The following MON2 variants were observed in gnomAD, a reference collection of about 807,000 sequenced individuals.
The protein encoded by MON2 is protein MON2 homolog.
A neutral mutation model predicts 208.6 loss-of-function variants in MON2; 84 were observed. That is an observed-to-expected ratio of 0.40 (90% CI 0.34 to 0.48). The LOEUF (loss-of-function observed/expected upper bound fraction) is 0.48, where lower values mean the gene tolerates loss of function less well. Among genes scored for constraint, MON2 ranks in the 20% least tolerant of loss-of-function variants. MON2 has a pLI of 0.59. For synonymous variants in MON2, 660 were observed against 694.0 expected (o/e 0.95, Z 0.77); for missense variants, 1,611 against 2,015.4 (o/e 0.80, Z 3.84).
chr12:62,590,206 T>C (rs992039654), intron 34 of MON2, among the ~76,000 whole-genome samples: 2 of 152,188 alleles, frequency 1.3e-5, no homozygotes, highest in African/African-American at 4.8e-5. Context: ...TCCTCCCGTC[T>C]TAGCCTCCCA....
At chr12:62,555,264 C>G (rs2073915949) in intron 24 of MON2, among the ~76,000 whole-genome samples, 1 of 152,012 alleles carries the variant, frequency 6.6e-6, no homozygotes, top group South Asian at 2.1e-4. Flanking sequence ...CAGCCTCAAC[C>G]TCTCCTGGGG....
rs990020220 is a variant in MON2, at chr12:62,595,829, T to C, written c.*3080T>C. ...ACCACTTTTCACTTGCTTTCATTTTTAATTTTATTCACTTAACAGCTAACA... is the reference window on the plus strand; with the variant it reads ...ACCACTTTTCACTTGCTTTCATTTTCAATTTTATTCACTTAACAGCTAACA... On this transcript the variant is annotated 3_prime_UTR_variant, in exon 35 of 35. Coordinates refer to ENST00000393630, the MANE Select transcript of MON2 (RefSeq NM_015026.3). The C allele has an allele frequency of 6.6e-6, 1 of 152,254 alleles. No individual in the cohort carries two copies. The highest frequency in any genetic ancestry group is 2.4e-5 in the African/African-American group (1 of 41,466). 9.4% of individuals were successfully genotyped at this position (152,254 alleles called of 1,614,324 possible).
Position 62,560,355 on chromosome 12 carries a change from G to T in MON2, c.3410-136G>T, listed in dbSNP as rs1331133815. On this transcript the variant is annotated intron_variant, in intron 25 of 34. Transcript: ENST00000393630. ...TTTAATTCCCATTGTTAGTACCTTAGTACCTAGTCATATATTTTCCAGTTC... is the reference window on the plus strand; with the variant it reads ...TTTAATTCCCATTGTTAGTACCTTATTACCTAGTCATATATTTTCCAGTTC... 8.2e-6 allele frequency: 7 copies of T among 854,570 alleles called. No individual in the cohort carries two copies. The Admixed American group carries it at 1.8e-4, about 21-fold the overall frequency. 52.9% of individuals were successfully genotyped at this position (854,570 alleles called of 1,614,324 possible). A position where few individuals can be genotyped will look rare whatever the true frequency, so the allele number is the denominator to read the frequency against.
In MON2 at chr12:62,538,332, G is replaced by A. The variant is rs1335942885; in HGVS notation, c.2273+7G>A. On this transcript the variant is annotated splice_region_variant and intron_variant, in intron 18 of 34. Coordinates refer to ENST00000393630, the MANE Select transcript of MON2 (RefSeq NM_015026.3). ...GATTGTTTGAAAGCTCACAGTAAGA[G>A]TCAGTTTTTTTAATTGATAAAAACA... is the stretch of plus-strand genomic sequence containing the variant. 1 of 1,609,450 alleles carries A rather than the reference G, an allele frequency of 6.2e-7. No individual in the cohort carries two copies. Among genetic ancestry groups the A allele is most frequent in the Non-Finnish European group, 8.5e-7 (1 of 1,176,120 alleles).
rs2074371998 is a variant in MON2, at chr12:62,566,018, A to G, written c.4181A>G (p.Gln1394Arg). 1.2e-6 allele frequency: 2 copies of G among 1,610,836 alleles called. No individual in the cohort carries two copies. The highest frequency in any genetic ancestry group is 1.1e-5 in the South Asian group (1 of 90,518). The change falls in exon 28 of 35, where the codon CAA (glutamine) becomes CGA (arginine). Residue 1394 changes from glutamine (Q) to arginine (R), a missense_variant. Physicochemically the swap from Gln to Arg is conservative, Grantham distance 43. Coordinates refer to ENST00000393630, the MANE Select transcript of MON2 (RefSeq NM_015026.3). The stretch of plus-strand genomic sequence containing the variant: ...AACACAATGGAATCACAATAGATCC[A>G]ACTATTTGCACCGGTGAGTTAAATT... ...HIANAKYNQI[Q>R]LFAPAEWVAL...
At chr12:62,475,287 A>C (rs1423005273) in intron 1 of MON2, among the ~76,000 whole-genome samples, 2 of 151,606 alleles carry the variant, frequency 1.3e-5, no homozygotes, top group Non-Finnish European at 2.9e-5. Flanking sequence ...CCCAGGCTGG[A>C]GTGTAGTGGT....
chr12:62,556,236 A>C, intron 25 of MON2, 44 bp downstream of exon 25: 1 of 1,568,076 alleles, frequency 6.4e-7, no homozygotes, highest in East Asian at 2.3e-5. Flanking sequence ...ATTAATGTTA[A>C]AAGAAATTTG....
rs1300317455 is a variant in MON2, at chr12:62,597,608, CA to C, written c.*4860del. On this transcript the variant is annotated 3_prime_UTR_variant, in exon 35 of 35. Transcript: ENST00000393630. ...ATAACTCCTACTGTCTTTATGAATA[CA>C]CGGGATTCAGCAGCCAAGATGCTCA... 6.6e-6 allele frequency: 1 copy of C among 152,084 alleles called. No homozygotes were observed. The highest frequency in any genetic ancestry group is 1.5e-5 in the Non-Finnish European group (1 of 68,024). 9.4% of individuals were successfully genotyped at this position (152,084 alleles called of 1,614,324 possible).
At chr12:62,476,526 C>T (rs1327343643) in intron 1 of MON2, among the ~76,000 whole-genome samples, 1 of 152,006 alleles carries the variant, frequency 6.6e-6, no homozygotes, top group Non-Finnish European at 1.5e-5. Flanking sequence ...CCTATGCCTC[C>T]CAGGCTCAAG....
intron 19 of MON2, among the ~76,000 whole-genome samples, chr12:62,542,426 A>C (rs1472362001): frequency 1.3e-5 from 2 of 152,260 alleles, no homozygotes; most frequent in Admixed American, 1.3e-4. Flanking sequence ...ACTCAAAAAT[A>C]CTCATGGCTT....
At chr12:62,531,285 C>T (rs576104734) in intron 11 of MON2, among the ~76,000 whole-genome samples, 96 of 152,128 alleles carry the variant, frequency 6.3e-4, no homozygotes, top group African/African-American at 2.3e-3. Context: ...ATCTAACAAA[C>T]CTTTGCCTAA....
chr12:62,592,922 A>T lies in MON2; in HGVS notation c.*173A>T, dbSNP rs12510. On this transcript the variant is annotated 3_prime_UTR_variant, in exon 35 of 35. Transcript: ENST00000393630. The stretch of plus-strand genomic sequence containing the variant: ...AATTCATATTACAGGCTTGCACATC[A>T]ACAAAGGCTCCTGAATGAACAGCAG... 1 of 563,044 alleles carries T rather than the reference A, an allele frequency of 1.8e-6. No homozygotes were observed. Among genetic ancestry groups the T allele is most frequent in the Non-Finnish European group, 3.0e-6 (1 of 332,808 alleles). 34.9% of individuals were successfully genotyped at this position (563,044 alleles called of 1,614,324 possible). A position where few individuals can be genotyped will look rare whatever the true frequency, so the allele number is the denominator to read the frequency against.
At chr12:62,587,266 C>T (rs965122714) in intron 33 of MON2, among the ~76,000 whole-genome samples, 4 of 151,910 alleles carry the variant, frequency 2.6e-5, no homozygotes, top group Non-Finnish European at 5.9e-5. Context: ...TAAATAAGTA[C>T]CATTGTAATT....
intron 30 of MON2, 94 bp downstream of exon 30, chr12:62,571,676 A>T (rs541490053): frequency 9.6e-7 from 1 of 1,039,874 alleles, no homozygotes; most frequent in Middle Eastern, 2.9e-4. Context: ...TAACAAAGTA[A>T]TTGATTATAA....
chr12:62,559,241 A>G (rs1290106047), intron 25 of MON2, among the ~76,000 whole-genome samples: 2 of 152,234 alleles, frequency 1.3e-5, no homozygotes, highest in African/African-American at 4.8e-5. Flanking sequence ...CATGTTTCAT[A>G]GCCTACTTAT....
chr12:62,477,664 C>T (rs1054677239), intron 1 of MON2, among the ~76,000 whole-genome samples: 1 of 151,744 alleles, frequency 6.6e-6, no homozygotes, highest in Non-Finnish European at 1.5e-5. Context: ...GATCCTCTCG[C>T]CTTGACCTCC....
chr12:62,532,412 G>T, intron 11 of MON2, 26 bp from the exon 12 acceptor site: 1 of 1,495,382 alleles, frequency 6.7e-7, no homozygotes, highest in Non-Finnish European at 9.3e-7. Context: ...CTTCTCATTA[G>T]TATTCTATAT....
At chr12:62,514,637 C>T (rs1179804041) in intron 8 of MON2, among the ~76,000 whole-genome samples, 4 of 152,124 alleles carry the variant, frequency 2.6e-5, no homozygotes, top group Non-Finnish European at 5.9e-5. Context: ...CCTCCCAGAA[C>T]ACGTGGGAAT....
At chr12:62,590,812 C>T (rs1342386391) in intron 34 of MON2, among the ~76,000 whole-genome samples, 1 of 152,194 alleles carries the variant, frequency 6.6e-6, no homozygotes, top group East Asian at 1.9e-4. Context: ...TCCCAAGTAG[C>T]TGGGACCACC....
Sources: allele counts gnomAD v4.1 joint callset (sites outside exome capture counted in the v4.1 genomes callset), GRCh38; gene constraint gnomAD v4.1.1; transcripts MANE v1.5; gene names NCBI Gene and HGNC (gene_info 2026-07-23, HGNC 2026-07-21).